The following FAM228B variants were observed in gnomAD, a reference collection of about 807,000 sequenced individuals.
FAM228B encodes family with sequence similarity 228 member B, also known as protein FAM228B.
In FAM228B, 38 loss-of-function variants were observed where a neutral mutation model predicts 42.6. The observed-to-expected ratio is 0.89, with a 90% CI of 0.69 to 1.17. The LOEUF is 1.17. FAM228B is among the 50% of genes most tolerant of loss of function. The probability of loss-of-function intolerance (pLI) is 0.00; values close to 1 mark genes in which losing one functional copy is unlikely to be tolerated. For missense variants in FAM228B, 344 were observed against 367.3 expected (o/e 0.94, Z 0.52); for synonymous variants, 109 against 122.3 (o/e 0.89, Z 0.72).
chr2:24,166,780 A>G (rs1667426936), intron 9 of FAM228B, among the ~76,000 whole-genome samples: 1 of 152,106 alleles, frequency 6.6e-6, no homozygotes, highest in Non-Finnish European at 1.5e-5. Context: ...TTCTCCTCTG[A>G]GATGACGTTT....
chr2:24,141,157 C>G (rs1280319589), intron 5 of FAM228B, among the ~76,000 whole-genome samples: 1 of 151,940 alleles, frequency 6.6e-6, no homozygotes, highest in Admixed American at 6.5e-5. Flanking sequence ...CTCCTGCAAC[C>G]TCCCCATCCT....
chr2:24,156,305 G>T (rs1328327542), intron 7 of FAM228B, among the ~76,000 whole-genome samples: 1 of 152,032 alleles, frequency 6.6e-6, no homozygotes, highest in Non-Finnish European at 1.5e-5. Context: ...CCAGCACTGG[G>T]CTCTGTCATA....
At chr2:24,143,707 T>C (rs962469801) in intron 5 of FAM228B, among the ~76,000 whole-genome samples, 3 of 152,206 alleles carry the variant, frequency 2.0e-5, no homozygotes, top group African/African-American at 7.2e-5. Context: ...CATAGAAAGA[T>C]ATGTTAAACA....
At chr2:24,132,742 A>G (rs1375982786) in intron 2 of FAM228B, among the ~76,000 whole-genome samples, 1 of 151,940 alleles carries the variant, frequency 6.6e-6, no homozygotes, top group Non-Finnish European at 1.5e-5. Flanking sequence ...ATTATGAATG[A>G]TACATTGTGG....
chr2:24,162,112 CA>C (rs948661746), intron 8 of FAM228B, among the ~76,000 whole-genome samples: 29 of 151,596 alleles, frequency 1.9e-4, no homozygotes, highest in Non-Finnish European at 3.4e-4. Flanking sequence ...AACAAACAAA[CA>C]AAAAAACCAA....
chr2:24,147,808 A>G (rs192016376), intron 7 of FAM228B, among the ~76,000 whole-genome samples: 4 of 151,946 alleles, frequency 2.6e-5, no homozygotes, highest in African/African-American at 2.4e-5. Flanking sequence ...ATTCTTTACC[A>G]TATTAATAAT....
rs770325453 is a variant in FAM228B at position 24,080,855 on chromosome 2, C to CT, written c.-289-15dup. On this transcript the variant is annotated intron_variant, in intron 1 of 10. Coordinates refer to the FAM228B transcript ENST00000613899. The surrounding 1 kb of genome is among the most constrained non-coding windows in gnomAD (Gnocchi z 4.7). ...TTCAGCGTTGCTTCAGAGAAATCCT[C>CT]TTTTTTGTAATTGAATCCAGCAGCT... is the stretch of plus-strand genomic sequence containing the variant. The CT allele has an allele frequency of 6.2e-7, 1 of 1,614,232 alleles. No homozygotes were observed. The highest frequency in any genetic ancestry group is 2.2e-5 in the East Asian group (1 of 44,890).
intron 3 of FAM228B, among the ~76,000 whole-genome samples, chr2:24,100,631 G>A (rs1374173119): frequency 6.6e-6 from 1 of 152,228 alleles, no homozygotes; most frequent in Non-Finnish European, 1.5e-5. Flanking sequence ...TGGAGAGGAT[G>A]TGGAGAAATA....
chr2:24,164,137 T>G, intron 8 of FAM228B, 61 bp from the exon 9 acceptor site: 1 of 1,382,828 alleles, frequency 7.2e-7, no homozygotes, highest in South Asian at 1.6e-5. Context: ...ATAAAAATAT[T>G]AAGTGCTACA....
At chr2:24,151,725 C>T (rs1411096945) in intron 7 of FAM228B, among the ~76,000 whole-genome samples, 1 of 151,736 alleles carries the variant, frequency 6.6e-6, no homozygotes, top group East Asian at 1.9e-4. Context: ...CTCTGTCCCC[C>T]AGGCTGCAGT....
chr2:24,156,583 G>A lies in FAM228B; in HGVS notation c.687-4923G>A, dbSNP rs563538051. On this transcript the variant is annotated intron_variant, in intron 7 of 10. Transcript: ENST00000615575. ...CTGGAGGCAGAGGTTGCAGTGAGCC[G>A]AGATCGGGCCATTGCACTCCAGCCT... Among the ~76,000 whole-genome samples, 45 of 152,188 alleles carry A rather than the reference G, an allele frequency of 3.0e-4. No homozygotes were observed. In the South Asian group the frequency reaches 7.1e-3, roughly 24 times the overall value.
chr2:24,121,104 G>A, upstream of FAM228B: 1 of 1,595,856 alleles, frequency 6.3e-7, no homozygotes. Context: ...GCAGAGCAAG[G>A]AAATTTGGAG....
chr2:24,167,294 G>A (rs1667443865), intron 9 of FAM228B, among the ~76,000 whole-genome samples: 1 of 152,172 alleles, frequency 6.6e-6, no homozygotes, highest in African/African-American at 2.4e-5. Flanking sequence ...GAGGGGCCTG[G>A]GTGGATTGTG....
At chr2:24,136,660 GTGTAAA>G (rs1666599254) in intron 3 of FAM228B, among the ~76,000 whole-genome samples, 1 of 152,176 alleles carries the variant, frequency 6.6e-6, no homozygotes, top group African/African-American at 2.4e-5. Context: ...ACCGCACCTA[GTGTAAA>G]TCCTCATTCT....
rs1028637096 is a variant in FAM228B, at chr2:24,090,473, A to G, written c.-209-4668A>G. Among the ~76,000 whole-genome samples, 7 of 149,128 alleles carry G rather than the reference A, an allele frequency of 4.7e-5. No homozygotes were observed. The East Asian group carries it at 1.4e-3, about 30-fold the overall frequency. ...GTGGTGCACGCCTGTAGTCCCAGGT[A>G]CCTGCGAGGCTGAGGCAGGAGGAGG... On this transcript the variant is annotated intron_variant, in intron 2 of 10. Transcript: ENST00000613899.
intron 1 of FAM228B, among the ~76,000 whole-genome samples, chr2:24,123,823 G>T (rs915465907): frequency 6.6e-6 from 1 of 152,094 alleles, no homozygotes; most frequent in Non-Finnish European, 1.5e-5. Context: ...TGGGCGCGAT[G>T]AGCGAGAGCG....
At chr2:24,078,753 T>C (rs1178693314) in intron 1 of FAM228B, among the ~76,000 whole-genome samples, 3 of 152,216 alleles carry the variant, frequency 2.0e-5, no homozygotes, top group African/African-American at 4.8e-5. Context: ...AGGACTCATA[T>C]AGGCTTAGTG....
Position 24,146,970 on chromosome 2 carries a change from G to A in FAM228B, c.570G>A (p.Lys190=). ...TAAAGGAATTCAAAGAAGTTGAGAAGGTTCAGCTGCATTCCAGATTCCCAC... is the reference window on the plus strand; with the variant it reads ...TAAAGGAATTCAAAGAAGTTGAGAAAGTTCAGCTGCATTCCAGATTCCCAC... The part of the protein sequence containing the change: ...YSIKEFKEVE[K]VQLHSRFPQI... The change falls in exon 7 of 11, where the codon AAG becomes AAA. Residue 190 remains lysine (K), a synonymous_variant. Coordinates refer to ENST00000615575, the MANE Select transcript of FAM228B (RefSeq NM_001145710.2). 6.4e-7 allele frequency: 1 copy of A among 1,551,424 alleles called. No homozygotes were observed.
At chr2:24,137,885 G>A (rs1666628128) in intron 3 of FAM228B, 24 bp from the exon 4 acceptor site, 26 of 1,470,874 alleles carry the variant, frequency 1.8e-5, no homozygotes, top group Admixed American at 2.8e-5. Flanking sequence ...TAATATATTT[G>A]TCTTTTCTAC....
Sources: allele counts gnomAD v4.1 joint callset (sites outside exome capture counted in the v4.1 genomes callset), GRCh38; gene constraint gnomAD v4.1.1; non-coding constraint Gnocchi (gnomAD v3.1); transcripts MANE v1.5; gene names NCBI Gene and HGNC (gene_info 2026-07-23, HGNC 2026-07-21).